PITPNC1: variants seen among roughly 807,000 people sequenced by gnomAD.
PITPNC1 encodes the protein cytoplasmic phosphatidylinositol transfer protein 1.
Under a neutral mutation model 44.7 loss-of-function variants are expected in PITPNC1, and 18 were observed. That is an observed-to-expected ratio of 0.40 (90% CI 0.28 to 0.60). The LOEUF is 0.60. Ranked by LOEUF, PITPNC1 falls within the 20% of genes least tolerant of loss-of-function variation. The pLI, the probability that PITPNC1 is intolerant of heterozygous loss-of-function variation, is 0.39. For synonymous variants in PITPNC1, 141 were observed against 149.6 expected (o/e 0.94, Z 0.42); for missense variants, 290 against 418.4 (o/e 0.69, Z 2.68).
intron 8 of PITPNC1, among the ~76,000 whole-genome samples, chr17:67,690,382 A>T (rs2042898346): frequency 6.7e-6 from 1 of 149,634 alleles, no homozygotes; most frequent in Non-Finnish European, 1.5e-5. Flanking sequence ...CCGGAGGCGG[A>T]AGTTGCAGTG....
chr17:67,514,128 AG>A (rs1346017300), intron 1 of PITPNC1, among the ~76,000 whole-genome samples: 3 of 151,950 alleles, frequency 2.0e-5, no homozygotes, highest in Admixed American at 6.6e-5. Context: ...CTGTGTGGGG[AG>A]GGGGACACCA....
At chr17:67,441,835 G>A (rs946586009) in intron 1 of PITPNC1, among the ~76,000 whole-genome samples, 1 of 152,094 alleles carries the variant, frequency 6.6e-6, no homozygotes, top group Non-Finnish European at 1.5e-5. Context: ...AACTGCACAC[G>A]CCTGGCTTCA....
At chr17:67,664,854 G>A (rs1363863093) in intron 6 of PITPNC1, among the ~76,000 whole-genome samples, 6 of 149,714 alleles carry the variant, frequency 4.0e-5, no homozygotes, top group South Asian at 2.1e-4. Context: ...GCAGTGAGCC[G>A]AGATCATGCC....
intron 4 of PITPNC1, among the ~76,000 whole-genome samples, chr17:67,567,607 T>C (rs931753230): frequency 6.6e-6 from 1 of 152,192 alleles, no homozygotes; most frequent in Non-Finnish European, 1.5e-5. Flanking sequence ...GGTAGCCGTC[T>C]GGAAGTTCCT....
intron 5 of PITPNC1, among the ~76,000 whole-genome samples, chr17:67,596,332 C>T (rs994971359): frequency 2.0e-5 from 3 of 151,690 alleles, no homozygotes; most frequent in Non-Finnish European, 2.9e-5. Flanking sequence ...TAGTTGTACA[C>T]GTGGTATGTC....
intron 1 of PITPNC1, among the ~76,000 whole-genome samples, chr17:67,474,592 G>A (rs139900046): frequency 2.8e-4 from 43 of 152,190 alleles, no homozygotes; most frequent in African/African-American, 7.9e-4. Context: ...GAGCAAAATC[G>A]CCCCATGCTG....
intron 2 of PITPNC1, among the ~76,000 whole-genome samples, chr17:67,551,544 T>G (rs2040763257): frequency 6.6e-6 from 1 of 152,308 alleles, no homozygotes; most frequent in Admixed American, 6.5e-5. Context: ...CCTCGGTGTG[T>G]CTCTGAGTCT....
Position 67,532,894 on chromosome 17 carries a change from T to C in PITPNC1, c.141T>C (p.Phe47=). 2 of 1,610,138 alleles carry C rather than the reference T, an allele frequency of 1.2e-6. No individual in the cohort carries two copies. Among genetic ancestry groups the C allele is most frequent in the Non-Finnish European group, 1.7e-6 (2 of 1,178,544 alleles). Residue 47 remains phenylalanine (F), a synonymous_variant, in exon 2 of 9, where the codon TTT becomes TTC. Coordinates refer to ENST00000581322, the MANE Select transcript of PITPNC1 (RefSeq NM_012417.4). ...TGGAGGTCGTCCAGAATGAGCCCTT[T>C]GAGGACCCTCACCATGGCAATGGGC... The part of the protein sequence containing the change: ...EGVEVVQNEP[F]EDPHHGNGQF...
At chr17:67,564,599 C>G (rs990243605) in intron 4 of PITPNC1, among the ~76,000 whole-genome samples, 2 of 152,168 alleles carry the variant, frequency 1.3e-5, no homozygotes, top group African/African-American at 4.8e-5. Context: ...TAAGGCTTTA[C>G]TAGGCTTCTA....
At chr17:67,642,888 G>A (rs1208061080) in intron 6 of PITPNC1, among the ~76,000 whole-genome samples, 1 of 151,942 alleles carries the variant, frequency 6.6e-6, no homozygotes, top group Non-Finnish European at 1.5e-5. Context: ...TTAAACTGCT[G>A]CAGTAATTGG....
chr17:67,687,543 T>G (rs1197119500), intron 8 of PITPNC1, among the ~76,000 whole-genome samples: 1 of 152,188 alleles, frequency 6.6e-6, no homozygotes, highest in African/African-American at 2.4e-5. Flanking sequence ...TTTAAAAACA[T>G]AGCTAACACT....
At chr17:67,451,658 A>G (rs1397650928) in intron 1 of PITPNC1, among the ~76,000 whole-genome samples, 1 of 144,870 alleles carries the variant, frequency 6.9e-6, no homozygotes, top group South Asian at 2.2e-4. Context: ...TTTTTTTTTG[A>G]GACAGAGTCT....
At chr17:67,433,261 G>A (rs148221896) in intron 1 of PITPNC1, among the ~76,000 whole-genome samples, 1 of 152,184 alleles carries the variant, frequency 6.6e-6, no homozygotes, top group Non-Finnish European at 1.5e-5. Flanking sequence ...ACCTAGAAAG[G>A]AGGCAAAGCT....
intron 2 of PITPNC1, among the ~76,000 whole-genome samples, chr17:67,538,827 C>A (rs754115797): frequency 3.3e-5 from 5 of 150,934 alleles, no homozygotes; most frequent in Admixed American, 6.6e-5. Flanking sequence ...ACAAAAAAAA[C>A]CTTTGCATAG....
At chr17:67,522,659 CTT>C (rs773797594) in intron 1 of PITPNC1, among the ~76,000 whole-genome samples, 4 of 117,180 alleles carry the variant, frequency 3.4e-5, no homozygotes, top group South Asian at 2.6e-4. Flanking sequence ...CCATTTTAAT[CTT>C]TTTTTTTTTT....
intron 2 of PITPNC1, among the ~76,000 whole-genome samples, chr17:67,542,734 G>A (rs1394563634): frequency 6.6e-6 from 1 of 152,138 alleles, no homozygotes; most frequent in African/African-American, 2.4e-5. Flanking sequence ...ATAGTGAGTG[G>A]ATTCTCTTCC....
At chr17:67,394,847 A>T (rs1402762950) in intron 1 of PITPNC1, among the ~76,000 whole-genome samples, 1 of 151,904 alleles carries the variant, frequency 6.6e-6, no homozygotes, top group Non-Finnish European at 1.5e-5. Context: ...GTGAGCCGAG[A>T]TTGTGCCACT....
At chr17:67,624,254 C>T (rs1367928051) in intron 5 of PITPNC1, among the ~76,000 whole-genome samples, 2 of 148,156 alleles carry the variant, frequency 1.3e-5, no homozygotes, top group African/African-American at 5.0e-5. Flanking sequence ...CTCTGTCACC[C>T]AGGCTGGAAT....
At chr17:67,510,044 A>C (rs2040162164) in intron 1 of PITPNC1, among the ~76,000 whole-genome samples, 1 of 152,190 alleles carries the variant, frequency 6.6e-6, no homozygotes, top group Admixed American at 6.5e-5. Flanking sequence ...GAAAGATAGG[A>C]GGTTCCTCCT....
Sources: allele counts gnomAD v4.1 joint callset (sites outside exome capture counted in the v4.1 genomes callset), GRCh38; gene constraint gnomAD v4.1.1; transcripts MANE v1.5; gene names NCBI Gene and HGNC (gene_info 2026-07-23, HGNC 2026-07-21).